The following TXNRD2 variants were observed in gnomAD, a reference collection of about 807,000 sequenced individuals.
TXNRD2 encodes thioredoxin reductase 2, mitochondrial.
A neutral mutation model predicts 70.8 loss-of-function variants in TXNRD2; 67 were observed. The ratio of observed to expected loss-of-function variants is 0.95; its 90% CI spans 0.78 to 1.16. The LOEUF (loss-of-function observed/expected upper bound fraction) is 1.16. Among genes scored for constraint, TXNRD2 ranks in the 50% most tolerant of loss-of-function variants. The pLI is 0.00. For missense variants in TXNRD2, 644 were observed against 719.9 expected (o/e 0.89, Z 1.21); for synonymous variants, 301 against 295.8 (o/e 1.02, Z -0.18).
At chr22:19,912,366 G>A (rs578183824) in intron 7 of TXNRD2, among the ~76,000 whole-genome samples, 5,222 of 152,344 alleles carry the variant, frequency 0.034, 126 homozygotes, top group South Asian at 0.086. Context: ...GCGTGGCAGG[G>A]AGAGCGAAGC....
At chr22:19,941,026 G>A (rs45604238) in intron 1 of TXNRD2, among the ~76,000 whole-genome samples, 253 of 152,296 alleles carry the variant, frequency 1.7e-3, no homozygotes, top group African/African-American at 5.8e-3. Context: ...GGGGAGAGCT[G>A]CTCGCTGTCA....
At chr22:19,909,798 TCA>T (rs1220804913) in intron 8 of TXNRD2, among the ~76,000 whole-genome samples, 2 of 31,144 alleles carry the variant, frequency 6.4e-5, no homozygotes, top group Admixed American at 3.8e-4. Flanking sequence ...CACACACCAC[TCA>T]CACACACCAC....
At chr22:19,940,109 G>A (rs1208655168) in intron 1 of TXNRD2, among the ~76,000 whole-genome samples, 1 of 152,074 alleles carries the variant, frequency 6.6e-6, no homozygotes, top group Non-Finnish European at 1.5e-5. Flanking sequence ...GCCAGGCGTG[G>A]TGGCAGATGC....
At chr22:19,907,297 C>T (rs530927223) in intron 8 of TXNRD2, among the ~76,000 whole-genome samples, 23 of 29,636 alleles carry the variant, frequency 7.8e-4, no homozygotes, top group African/African-American at 3.2e-3. Flanking sequence ...GTGTGGGCGC[C>T]GTGGATAGCA....
intron 8 of TXNRD2, among the ~76,000 whole-genome samples, chr22:19,899,385 G>A (rs990975973): frequency 2.0e-5 from 3 of 152,330 alleles, no homozygotes; most frequent in Admixed American, 6.5e-5. Context: ...CTCTCCCCCC[G>A]GGGCCTCCTG....
intron 8 of TXNRD2, among the ~76,000 whole-genome samples, chr22:19,899,545 C>T (rs555854775): frequency 2.6e-5 from 4 of 152,254 alleles, no homozygotes; most frequent in African/African-American, 4.8e-5. Flanking sequence ...CACAGCTAGG[C>T]GCAGGGCCAG....
chr22:19,941,572 G>A, intron 1 of TXNRD2, 129 bp downstream of exon 1: 3 of 1,306,106 alleles, frequency 2.3e-6, no homozygotes, highest in Non-Finnish European at 2.9e-6. Flanking sequence ...AGACCAAGAG[G>A]CCGGTATGTG....
intron 5 of TXNRD2, among the ~76,000 whole-genome samples, chr22:19,916,857 C>A (rs1216305504): frequency 6.6e-6 from 1 of 152,158 alleles, no homozygotes; most frequent in Admixed American, 6.5e-5. Flanking sequence ...GATCCTCCCA[C>A]CTCAGCCTCC....
At chr22:19,885,108 G>A (rs934924440) in intron 11 of TXNRD2, among the ~76,000 whole-genome samples, 1 of 152,132 alleles carries the variant, frequency 6.6e-6, no homozygotes, top group African/African-American at 2.4e-5. Context: ...GCACCGCATG[G>A]GCCTCTTCAT....
At chr22:19,925,236 A>G (rs1356259308) in intron 2 of TXNRD2, among the ~76,000 whole-genome samples, 1 of 151,940 alleles carries the variant, frequency 6.6e-6, no homozygotes, top group Non-Finnish European at 1.5e-5. Flanking sequence ...GTGAGCTGAG[A>G]TCGCACCACT....
intron 2 of TXNRD2, among the ~76,000 whole-genome samples, chr22:19,928,624 G>A (rs191672232): frequency 6.6e-6 from 1 of 152,192 alleles, no homozygotes; most frequent in African/African-American, 2.4e-5. Context: ...GTTATGGGCT[G>A]AGCCATATCC....
At chr22:19,909,885 ACT>A (rs1940307802) in intron 8 of TXNRD2, among the ~76,000 whole-genome samples, 3 of 43,856 alleles carry the variant, frequency 6.8e-5, no homozygotes, top group African/African-American at 1.7e-4. Flanking sequence ...CACACACACC[ACT>A]CACACACACA....
intron 10 of TXNRD2, among the ~76,000 whole-genome samples, chr22:19,896,247 G>C (rs1191213476): frequency 6.6e-6 from 1 of 151,606 alleles, no homozygotes; most frequent in East Asian, 1.9e-4. Context: ...GCAGTGAGCC[G>C]AGATTGTGCC....
chr22:19,939,180 CAG>C (rs1301670414), intron 1 of TXNRD2, among the ~76,000 whole-genome samples: 1 of 144,066 alleles, frequency 6.9e-6, no homozygotes, highest in Non-Finnish European at 1.5e-5. Flanking sequence ...ACGTTCGCGT[CAG>C]AGACTGCCCT....
In TXNRD2 at chr22:19,877,180, G is replaced by T. The variant is rs1168679070; in HGVS notation, c.1500C>A (p.Cys500Ter). The T allele has an allele frequency of 4.3e-6, 7 of 1,611,776 alleles. No homozygotes were observed. Among genetic ancestry groups the T allele is most frequent in the Non-Finnish European group, 5.9e-6 (7 of 1,178,892 alleles). The change falls in exon 17 of 18, where the codon TGC becomes TGA. Residue 500 changes from cysteine to a stop codon, truncating the protein, a stop_gained. Transcript: ENST00000400521. LOFTEE classifies it high-confidence loss of function. ...VMRTVGIHPT[C>*]SEEVVKLRIS... ...TGCGCAGCTTGACTACCTCCTCAGA[G>T]CATGTGGGATGGATACCCACGGTCC... is the stretch of plus-strand genomic sequence containing the variant.
intron 2 of TXNRD2, among the ~76,000 whole-genome samples, chr22:19,920,612 A>AT (rs1940865101): frequency 6.6e-6 from 1 of 151,804 alleles, no homozygotes; most frequent in South Asian, 2.1e-4. Context: ...AAAAAAAAAA[A>AT]CATTAGCTAG....
intron 1 of TXNRD2, among the ~76,000 whole-genome samples, chr22:19,934,490 G>A (rs1941477136): frequency 6.6e-6 from 1 of 151,880 alleles, no homozygotes; most frequent in Non-Finnish European, 1.5e-5. Context: ...AGCCGTGGCA[G>A]AGGAACATAA....
intron 11 of TXNRD2, among the ~76,000 whole-genome samples, chr22:19,890,353 G>T (rs1237429991): frequency 3.9e-5 from 6 of 152,146 alleles, no homozygotes; most frequent in Admixed American, 3.9e-4. Flanking sequence ...AACTAAATTT[G>T]CACTAAAATA....
intron 17 of TXNRD2, chr22:19,876,809 G>C (rs989612924): frequency 1.6e-4 from 49 of 307,702 alleles, no homozygotes; most frequent in African/African-American, 9.7e-4. Context: ...TCCTGTGTGT[G>C]GGGAGCAGCT....
Sources: gnomAD v4.1 joint callset for allele counts (sites outside exome capture counted in the v4.1 genomes callset) on GRCh38, gnomAD v4.1.1 for gene constraint, MANE v1.5 for transcripts, NCBI Gene and HGNC (gene_info 2026-07-23, HGNC 2026-07-21) for gene names.